SIPA1L3: variants seen among roughly 807,000 people sequenced by gnomAD.
SIPA1L3 encodes the protein signal-induced proliferation-associated 1-like protein 3.
In SIPA1L3, 59 loss-of-function variants were observed where a neutral mutation model predicts 150.1. The observed-to-expected ratio is 0.39, with a 90% CI of 0.32 to 0.49. The LOEUF (loss-of-function observed/expected upper bound fraction) is 0.49, where lower values mean the gene tolerates loss of function less well. Among genes scored for constraint, SIPA1L3 ranks in the 20% least tolerant of loss-of-function variants. SIPA1L3 has a pLI of 0.86. For synonymous variants in SIPA1L3, 1,070 were observed against 1,077.6 expected, an observed-to-expected ratio of 0.99 and a Z score of 0.14; for missense variants, 2,211 against 2,489.5, an observed-to-expected ratio of 0.89 and a Z score of 2.38.
At chr19:38,012,495 C>G (rs1427926791) in intron 1 of SIPA1L3, among the ~76,000 whole-genome samples, 1 of 152,098 alleles carries the variant, frequency 6.6e-6, no homozygotes, top group Non-Finnish European at 1.5e-5. Context: ...CCAGCTCAGG[C>G]CAGAGTGTGG....
chr19:38,049,693 T>C (rs1407863944), intron 2 of SIPA1L3, among the ~76,000 whole-genome samples: 1 of 152,176 alleles, frequency 6.6e-6, no homozygotes, highest in East Asian at 1.9e-4. Context: ...TTTGTACTTT[T>C]GGTAGAACTG....
intron 1 of SIPA1L3, among the ~76,000 whole-genome samples, chr19:37,918,684 AC>A (rs2046432784): frequency 1.3e-5 from 2 of 151,676 alleles, no homozygotes; most frequent in Non-Finnish European, 2.9e-5. Context: ...AGACTGGTCA[AC>A]ATGGTGAAAT....
intron 10 of SIPA1L3, among the ~76,000 whole-genome samples, chr19:38,137,208 AG>A (rs1173571104): frequency 1.3e-5 from 2 of 151,956 alleles, no homozygotes; most frequent in Non-Finnish European, 2.9e-5. Flanking sequence ...GTTGTTTTTG[AG>A]ATGGAGTCTC....
At chr19:38,100,558 G>A (rs975424721) in intron 5 of SIPA1L3, among the ~76,000 whole-genome samples, 2 of 152,216 alleles carry the variant, frequency 1.3e-5, no homozygotes, top group East Asian at 3.8e-4. Context: ...GAGAGCCATC[G>A]ATTGGGCTAT....
intron 12 of SIPA1L3, among the ~76,000 whole-genome samples, chr19:38,145,917 A>G (rs374046430): frequency 1.3e-5 from 2 of 151,822 alleles, no homozygotes; most frequent in African/African-American, 2.4e-5. Flanking sequence ...CTGGAGTGCA[A>G]TGGCACGATC....
chr19:38,142,171 A>G (rs768575288), intron 11 of SIPA1L3, among the ~76,000 whole-genome samples: 3 of 152,210 alleles, frequency 2.0e-5, no homozygotes, highest in Non-Finnish European at 4.4e-5. Flanking sequence ...GATGACAAAT[A>G]TAACTTAACA....
At chr19:38,190,625 C>T (rs1972787405) in intron 16 of SIPA1L3, among the ~76,000 whole-genome samples, 1 of 152,174 alleles carries the variant, frequency 6.6e-6, no homozygotes, top group Non-Finnish European at 1.5e-5. Flanking sequence ...GGTTCAAAGC[C>T]TCTTTTTCTT....
rs199893062 is a variant in SIPA1L3, at chr19:38,141,408, G to A, written c.3368G>A (p.Arg1123Gln). ...PLKQTPIVPFRESQPLHSKRP... is the reference protein window; with the variant it reads ...PLKQTPIVPFQESQPLHSKRP... ...AAGCAGACCCCCATAGTCCCCTTCCGGGAGTCCCAGCCACTGCACAGCAAG... is the reference window on the plus strand; with the variant it reads ...AAGCAGACCCCCATAGTCCCCTTCCAGGAGTCCCAGCCACTGCACAGCAAG... Residue 1123 changes from arginine (R) to glutamine (Q), a missense_variant, in exon 11 of 22, where the codon CGG (arginine) becomes CAG (glutamine). By Grantham distance (43) the Arg-to-Gln change is conservative. This residue lies in a region of SIPA1L3 where 806 missense variants were observed against 870.1 expected (regional missense o/e 0.93). Coordinates refer to ENST00000222345, the MANE Select transcript of SIPA1L3 (RefSeq NM_015073.3). 122 of 1,611,346 alleles carry A rather than the reference G, an allele frequency of 7.6e-5. No individual in the cohort carries two copies. The Middle Eastern group carries it at 2.0e-3, about 26-fold the overall frequency.
At chr19:38,033,385 TA>T (rs1968695531) in intron 2 of SIPA1L3, among the ~76,000 whole-genome samples, 1 of 152,192 alleles carries the variant, frequency 6.6e-6, no homozygotes, top group Admixed American at 6.5e-5. Context: ...TTTAAATATA[TA>T]AAGCTTGAAC....
At chr19:37,920,885 C>G (rs190914599) in intron 1 of SIPA1L3, among the ~76,000 whole-genome samples, 8 of 152,320 alleles carry the variant, frequency 5.3e-5, no homozygotes, top group South Asian at 2.1e-4. Context: ...ACTGAGGTCC[C>G]TTTTCCCTGA....
At chr19:37,922,821 A>G (rs1220914474) in intron 1 of SIPA1L3, among the ~76,000 whole-genome samples, 2 of 151,830 alleles carry the variant, frequency 1.3e-5, no homozygotes, top group Non-Finnish European at 1.5e-5. Flanking sequence ...GAGTCAATCA[A>G]CAAACAAGAT....
Position 38,131,663 on chromosome 19 carries a change from C to T in SIPA1L3, c.3143+891C>T, listed in dbSNP as rs540824855. 1.2e-3 allele frequency: 181 copies of T among 154,024 alleles called. 2 individuals carry two copies. The highest frequency in any genetic ancestry group is 6.8e-3 in the Admixed American group (98 of 14,354). The allele number at this position is 154,024 out of a possible 1,614,324, so 9.5% of individuals were successfully genotyped here. On this transcript the variant is annotated intron_variant, in intron 10 of 21. Coordinates refer to ENST00000222345, the MANE Select transcript of SIPA1L3 (RefSeq NM_015073.3). ...TTTTTTGTTTTTTTAGATGGAGTCTCGCTCTGTCGCCCAGGCTGAAGTGCA... is the reference window on the plus strand; with the variant it reads ...TTTTTTGTTTTTTTAGATGGAGTCTTGCTCTGTCGCCCAGGCTGAAGTGCA...
chr19:38,015,919 CT>C, intron 1 of SIPA1L3, among the ~76,000 whole-genome samples: 1 of 152,016 alleles, frequency 6.6e-6, no homozygotes, highest in East Asian at 1.9e-4. Flanking sequence ...ATACTTTTTG[CT>C]TTCAATCTTG....
At chr19:38,201,310 C>A (rs530775911) in intron 19 of SIPA1L3, among the ~76,000 whole-genome samples, 1 of 152,368 alleles carries the variant, frequency 6.6e-6, no homozygotes, top group Non-Finnish European at 1.5e-5. Context: ...GTGTCCAAGG[C>A]GGGACCCAGG....
At chr19:37,951,916 A>C (rs931688850) in intron 1 of SIPA1L3, among the ~76,000 whole-genome samples, 20 of 118,378 alleles carry the variant, frequency 1.7e-4, no homozygotes, top group Non-Finnish European at 5.3e-5. Flanking sequence ...AAAAAAAAAA[A>C]GCCCCACTGT....
chr19:37,922,893 C>A (rs1157909693), intron 1 of SIPA1L3, among the ~76,000 whole-genome samples: 1 of 150,682 alleles, frequency 6.6e-6, no homozygotes, highest in Non-Finnish European at 1.5e-5. Flanking sequence ...CTTTGGGAGG[C>A]CAAGGCAGGA....
In SIPA1L3 at chr19:38,106,574, C is replaced by T. The variant is rs745414403; in HGVS notation, c.2067C>T (p.Tyr689=). The change falls in exon 7 of 22, where the codon TAC becomes TAT. Residue 689 remains tyrosine, a synonymous_variant. Coordinates refer to ENST00000222345, the MANE Select transcript of SIPA1L3 (RefSeq NM_015073.3). ...STGTHSLYTM[Y]QDYEIMFHVS... is the part of the protein sequence containing the mutation. Reference sequence around the variant, plus strand: ...GAACCCACTCCCTCTACACGATGTACCAGGACTACGAGATCATGTTCCATG... The same window carrying T: ...GAACCCACTCCCTCTACACGATGTATCAGGACTACGAGATCATGTTCCATG... The T allele has an allele frequency of 1.9e-6, 3 of 1,613,834 alleles. No individual in the cohort carries two copies. Among genetic ancestry groups the T allele is most frequent in the Non-Finnish European group, 2.5e-6 (3 of 1,179,812 alleles).
intron 16 of SIPA1L3, among the ~76,000 whole-genome samples, chr19:38,187,715 C>CAAAAAAAAAAAAA (rs34187992): frequency 1.7e-5 from 1 of 59,532 alleles, no homozygotes; most frequent in Non-Finnish European, 2.9e-5. Context: ...GACTCCGTCT[C>CAAAAAAAAAAAAA]AAAAAAAAAA....
At chr19:38,177,150 A>C (rs928743499) in intron 15 of SIPA1L3, among the ~76,000 whole-genome samples, 1 of 152,014 alleles carries the variant, frequency 6.6e-6, no homozygotes, top group Non-Finnish European at 1.5e-5. Flanking sequence ...TCATGAGGTC[A>C]GGAGATCGAG....
Sources: gnomAD v4.1 joint callset for allele counts (sites outside exome capture counted in the v4.1 genomes callset) on GRCh38, gnomAD v4.1.1 for gene constraint, gnomAD v4.1.1 regional missense constraint, MANE v1.5 for transcripts, NCBI Gene and HGNC (gene_info 2026-07-23, HGNC 2026-07-21) for gene names.